The following PDGFC variants were observed in gnomAD, a reference collection of about 807,000 sequenced individuals.
The protein encoded by PDGFC is platelet derived growth factor C.
Under a neutral mutation model 35.5 loss-of-function variants are expected in PDGFC, and 12 were observed. The ratio of observed to expected loss-of-function variants is 0.34; its 90% CI spans 0.22 to 0.55. PDGFC has a LOEUF of 0.55. Ranked by LOEUF, PDGFC falls within the 20% of genes least tolerant of loss-of-function variation. The pLI, the probability that PDGFC is intolerant of heterozygous loss-of-function variation, is 0.91. For missense variants in PDGFC, 322 were observed against 412.4 expected (o/e 0.78, Z 1.90); for synonymous variants, 159 against 148.8 (o/e 1.07, Z -0.50).
chr4:156,962,131 C>G (rs1732358239), intron 1 of PDGFC, among the ~76,000 whole-genome samples: 1 of 152,110 alleles, frequency 6.6e-6, no homozygotes, highest in South Asian at 2.1e-4. Context: ...ACTGTCAACC[C>G]TGCAGGAAGT....
At chr4:156,932,200 C>T (rs1402588973) in intron 1 of PDGFC, among the ~76,000 whole-genome samples, 1 of 152,026 alleles carries the variant, frequency 6.6e-6, no homozygotes, top group African/African-American at 2.4e-5. Flanking sequence ...TAAGTGAATA[C>T]ACTTGAGTTT....
intron 1 of PDGFC, among the ~76,000 whole-genome samples, chr4:156,896,282 T>C (rs1730632204): frequency 6.6e-6 from 1 of 152,188 alleles, no homozygotes. Context: ...TTAACAACTC[T>C]CCACCAATGT....
intron 1 of PDGFC, among the ~76,000 whole-genome samples, chr4:156,964,456 A>G (rs1360209541): frequency 6.7e-6 from 1 of 148,648 alleles, no homozygotes; most frequent in African/African-American, 2.5e-5. Context: ...CTGTATATAT[A>G]GTACATATAT....
chr4:156,911,607 G>A (rs1303273367), intron 1 of PDGFC, among the ~76,000 whole-genome samples: 5 of 151,922 alleles, frequency 3.3e-5, no homozygotes, highest in Non-Finnish European at 7.4e-5. Context: ...AAACCTCTAA[G>A]TGTTATATTA....
intron 2 of PDGFC, among the ~76,000 whole-genome samples, chr4:156,839,741 T>C (rs575045877): frequency 2.2e-4 from 33 of 152,134 alleles, no homozygotes; most frequent in Middle Eastern, 3.4e-3. Flanking sequence ...TTTGGGAAAG[T>C]GTGGAAATTC....
chr4:156,871,895 T>TA (rs1379680865), intron 1 of PDGFC, among the ~76,000 whole-genome samples: 1 of 151,860 alleles, frequency 6.6e-6, no homozygotes, highest in Non-Finnish European at 1.5e-5. Flanking sequence ...ACAGCATGCT[T>TA]ATACTTCTGT....
At chr4:156,946,190 TAGAG>T (rs1553982474) in intron 1 of PDGFC, among the ~76,000 whole-genome samples, 2 of 151,908 alleles carry the variant, frequency 1.3e-5, no homozygotes, top group Admixed American at 6.6e-5. Context: ...GCAGAGAAGA[TAGAG>T]AGGAAACAAC....
At chr4:156,774,539 C>A (rs191448903) in intron 3 of PDGFC, 1 of 152,336 alleles carries the variant, frequency 6.6e-6, no homozygotes, top group Admixed American at 6.5e-5. Flanking sequence ...ACAGGCACAA[C>A]CCTCGTGGGG....
intron 4 of PDGFC, 127 bp from the exon 5 acceptor site, chr4:156,768,117 C>T (rs1730590416): frequency 1.5e-6 from 1 of 661,066 alleles, no homozygotes; most frequent in African/African-American, 1.8e-5. Context: ...ACAATATCCG[C>T]TCTTATTGTA....
At chr4:156,964,452 A>G (rs895802867) in intron 1 of PDGFC, among the ~76,000 whole-genome samples, 1 of 148,594 alleles carries the variant, frequency 6.7e-6, no homozygotes, top group African/African-American at 2.5e-5. Flanking sequence ...TATACTGTAT[A>G]TATAGTACAT....
chr4:156,953,618 C>A (rs933320165), intron 1 of PDGFC, among the ~76,000 whole-genome samples: 1 of 151,698 alleles, frequency 6.6e-6, no homozygotes, highest in African/African-American at 2.4e-5. Context: ...TTTTACCGGA[C>A]GATAAATACT....
At chr4:156,865,580 A>T (rs1161487221) in intron 1 of PDGFC, among the ~76,000 whole-genome samples, 3 of 152,226 alleles carry the variant, frequency 2.0e-5, no homozygotes, top group Non-Finnish European at 4.4e-5. Flanking sequence ...CATGTGAATT[A>T]TCTTAAAGCT....
intron 1 of PDGFC, among the ~76,000 whole-genome samples, chr4:156,903,104 A>AGAGAGTGT (rs368483475): frequency 0.013 from 1,756 of 130,728 alleles, 20 homozygotes; most frequent in South Asian, 0.02. Flanking sequence ...AGAGAGAGAG[A>AGAGAGTGT]GTGTGTGTGT....
chr4:156,814,585 T>C (rs1560822962), intron 2 of PDGFC, among the ~76,000 whole-genome samples: 1 of 152,102 alleles, frequency 6.6e-6, no homozygotes, highest in Non-Finnish European at 1.5e-5. Context: ...AAAATAACCA[T>C]TTTAATCTTC....
chr4:156,895,611 G>A (rs1289919254), intron 1 of PDGFC, among the ~76,000 whole-genome samples: 8 of 150,616 alleles, frequency 5.3e-5, no homozygotes, highest in Non-Finnish European at 8.8e-5. Flanking sequence ...CAGCCTGGGC[G>A]ACAGAGCAAG....
Position 156,971,321 on chromosome 4 carries a change from A to T in PDGFC, c.-418T>A, listed in dbSNP as rs1732588168. ...GAAAACTCAAGGGTTGCCCGCAGCC[A>T]GACTGGAAGCCAAGTCGGCGGCGAG... On this transcript the variant is annotated 5_prime_UTR_variant, in exon 1 of 6. Transcript: ENST00000502773. The T allele has an allele frequency of 2.5e-6, 1 of 399,490 alleles. No homozygotes were observed. Among genetic ancestry groups the T allele is most frequent in the Non-Finnish European group, 4.4e-6 (1 of 226,722 alleles). 24.7% of individuals were successfully genotyped at this position (399,490 alleles called of 1,614,324 possible). A position where few individuals can be genotyped will look rare whatever the true frequency, so the allele number is the denominator to read the frequency against.
At chr4:156,854,287 G>C (rs1001935392) in intron 1 of PDGFC, among the ~76,000 whole-genome samples, 4 of 152,064 alleles carry the variant, frequency 2.6e-5, no homozygotes, top group African/African-American at 9.7e-5. Flanking sequence ...ATATAATTGA[G>C]AAAACTACAT....
chr4:156,803,664 C>T (rs1475317114), intron 3 of PDGFC, among the ~76,000 whole-genome samples: 1 of 152,060 alleles, frequency 6.6e-6, no homozygotes, highest in Non-Finnish European at 1.5e-5. Context: ...GTGGTATGAA[C>T]TGCTATTTTT....
chr4:156,886,507 A>C (rs1730379220), intron 1 of PDGFC: 1 of 152,226 alleles, frequency 6.6e-6, no homozygotes, highest in Non-Finnish European at 1.5e-5. Flanking sequence ...ATCACCAACC[A>C]AACTATCGTC....
Sources: gnomAD v4.1 joint callset for allele counts (sites outside exome capture counted in the v4.1 genomes callset) on GRCh38, gnomAD v4.1.1 for gene constraint, MANE v1.5 for transcripts, NCBI Gene and HGNC (gene_info 2026-07-23, HGNC 2026-07-21) for gene names.